PRICKLE1: variants seen among roughly 807,000 people sequenced by gnomAD.
PRICKLE1 encodes prickle planar cell polarity protein 1.
Under a neutral mutation model 70.2 loss-of-function variants are expected in PRICKLE1, and 14 were observed. The ratio of observed to expected loss-of-function variants is 0.20; its 90% CI spans 0.13 to 0.31. The LOEUF (loss-of-function observed/expected upper bound fraction) is 0.31, where lower values mean the gene tolerates loss of function less well. Ranked by LOEUF, PRICKLE1 falls within the 10% of genes least tolerant of loss-of-function variation. PRICKLE1 has a pLI of 1.00. For missense variants in PRICKLE1, 821 were observed against 1,026.2 expected (o/e 0.80, Z 2.73); for synonymous variants, 357 against 379.9 (o/e 0.94, Z 0.70).
At chr12:42,559,457 T>TA (rs1221937039) in intron 1 of PRICKLE1, among the ~76,000 whole-genome samples, 1 of 151,958 alleles carries the variant, frequency 6.6e-6, no homozygotes, top group East Asian at 1.9e-4. Context: ...CATAGATCAC[T>TA]ATAGCATCAG....
chr12:42,513,316 G>A (rs1473338458), intron 1 of PRICKLE1, among the ~76,000 whole-genome samples: 1 of 152,054 alleles, frequency 6.6e-6, no homozygotes, highest in Non-Finnish European at 1.5e-5. Context: ...TAGAATGCAA[G>A]CTCTACATAG....
chr12:42,512,320 G>A (rs1034611537), intron 1 of PRICKLE1, among the ~76,000 whole-genome samples: 9 of 147,690 alleles, frequency 6.1e-5, no homozygotes, highest in Non-Finnish European at 1.5e-5. Context: ...ACAGGTGTGC[G>A]GCACCATGCC....
rs1174411803 is a variant in PRICKLE1, at chr12:42,458,727, T to C, written c.*1082A>G. On this transcript the variant is annotated 3_prime_UTR_variant, in exon 8 of 8. Coordinates refer to ENST00000345127, the MANE Select transcript of PRICKLE1 (RefSeq NM_153026.3). The stretch of plus-strand genomic sequence containing the variant: ...ATCTTTGTCATTTCCCATGAGATAA[T>C]CATCACCTTGCTGAAAATGAGAAAG... 6.6e-6 allele frequency: 1 copy of C among 152,192 alleles called. No individual in the cohort carries two copies. Among genetic ancestry groups the C allele is most frequent in the Non-Finnish European group, 1.5e-5 (1 of 68,068 alleles). The allele number at this position is 152,192 out of a possible 1,614,324, so 9.4% of individuals were successfully genotyped here.
chr12:42,570,572 C>T (rs1299935463), intron 1 of PRICKLE1, among the ~76,000 whole-genome samples: 3 of 152,210 alleles, frequency 2.0e-5, no homozygotes, highest in African/African-American at 7.2e-5. Context: ...GTAATCCCAG[C>T]ACTTTGGGAG....
chr12:42,526,638 A>C (rs1300822887), intron 1 of PRICKLE1, among the ~76,000 whole-genome samples: 2 of 151,950 alleles, frequency 1.3e-5, no homozygotes, highest in African/African-American at 4.8e-5. Context: ...AGGGCCTTGC[A>C]TGTGAACACT....
chr12:42,521,007 C>A (rs965810143), intron 1 of PRICKLE1, among the ~76,000 whole-genome samples: 1 of 151,914 alleles, frequency 6.6e-6, no homozygotes, highest in Non-Finnish European at 1.5e-5. Flanking sequence ...CCCATCTCTA[C>A]CAAAAATACA....
intron 1 of PRICKLE1, among the ~76,000 whole-genome samples, chr12:42,527,966 T>C (rs1299320564): frequency 7.6e-4 from 6 of 7,944 alleles, no homozygotes; most frequent in Admixed American, 3.0e-3. Flanking sequence ...TATATATATA[T>C]ATATATCTCC....
intron 1 of PRICKLE1, among the ~76,000 whole-genome samples, chr12:42,505,784 A>G (rs1458006701): frequency 6.6e-6 from 1 of 152,168 alleles, no homozygotes; most frequent in East Asian, 1.9e-4. Flanking sequence ...TGCTGAGTGG[A>G]CTGGCAATGT....
At chr12:42,583,106 A>T (rs958278390) in intron 1 of PRICKLE1, among the ~76,000 whole-genome samples, 2 of 152,014 alleles carry the variant, frequency 1.3e-5, no homozygotes, top group African/African-American at 4.8e-5. Context: ...CCTTGGTGAA[A>T]CTATACATGG....
At chr12:42,583,246 T>G (rs1038133598) in intron 1 of PRICKLE1, among the ~76,000 whole-genome samples, 7 of 151,846 alleles carry the variant, frequency 4.6e-5, no homozygotes, top group Non-Finnish European at 1.0e-4. Flanking sequence ...TTAATAGACT[T>G]TCTATTTCAA....
At chr12:42,563,492 G>A (rs1034308574) in intron 1 of PRICKLE1, among the ~76,000 whole-genome samples, 1 of 151,484 alleles carries the variant, frequency 6.6e-6, no homozygotes, top group Non-Finnish European at 1.5e-5. Flanking sequence ...GAGATCAGGA[G>A]ATCGAGACCA....
intron 1 of PRICKLE1, among the ~76,000 whole-genome samples, chr12:42,574,301 C>T (rs150275319): frequency 1.4e-3 from 210 of 152,210 alleles, no homozygotes; most frequent in African/African-American, 4.9e-3. Flanking sequence ...AAAAGCAATC[C>T]TACTTTCCAT....
At chr12:42,584,425 C>G (rs559408647) in intron 1 of PRICKLE1, 1 of 152,114 alleles carries the variant, frequency 6.6e-6, no homozygotes. Flanking sequence ...ATAAATGTTT[C>G]TTTAAAATTC....
chr12:42,566,098 C>T (rs1592034387), intron 1 of PRICKLE1, among the ~76,000 whole-genome samples: 1 of 152,194 alleles, frequency 6.6e-6, no homozygotes, highest in Non-Finnish European at 1.5e-5. Context: ...TTAGTAGAAG[C>T]ACATTTGGAT....
intron 5 of PRICKLE1, 44 bp downstream of exon 5, chr12:42,468,582 C>A: frequency 6.4e-7 from 1 of 1,571,402 alleles, no homozygotes; most frequent in Non-Finnish European, 8.8e-7. Flanking sequence ...TTGGCTTAAT[C>A]TAAGCTTATT....
intron 1 of PRICKLE1, among the ~76,000 whole-genome samples, chr12:42,533,103 G>C (rs1477971681): frequency 6.6e-6 from 1 of 151,708 alleles, no homozygotes; most frequent in African/African-American, 2.4e-5. Context: ...CATAAGTACA[G>C]TATATTTCTA....
chr12:42,481,106 T>C (rs545489336), intron 1 of PRICKLE1, among the ~76,000 whole-genome samples: 2 of 152,280 alleles, frequency 1.3e-5, no homozygotes, highest in South Asian at 4.1e-4. Context: ...GACATACCAA[T>C]ACATAAGTAC....
chr12:42,475,368 C>T (rs149406330), intron 1 of PRICKLE1, among the ~76,000 whole-genome samples: 75 of 152,316 alleles, frequency 4.9e-4, no homozygotes, highest in African/African-American at 1.4e-3. Flanking sequence ...AAGCAACCCA[C>T]GGTAAGTGGT....
At chr12:42,547,174 CTT>C (rs561442427) in intron 1 of PRICKLE1, among the ~76,000 whole-genome samples, 94 of 152,254 alleles carry the variant, frequency 6.2e-4, no homozygotes, top group Non-Finnish European at 3.4e-4. Flanking sequence ...AACATAGAAA[CTT>C]AGAATTGGAA....
Sources: allele counts gnomAD v4.1 joint callset (sites outside exome capture counted in the v4.1 genomes callset), GRCh38; gene constraint gnomAD v4.1.1; transcripts MANE v1.5; gene names NCBI Gene and HGNC (gene_info 2026-07-23, HGNC 2026-07-21).